The following AKAP7 variants were observed in gnomAD, a reference collection of about 807,000 sequenced individuals.
AKAP7 encodes the protein A kinase (PRKA) anchor protein 7.
Under a neutral mutation model 39.5 loss-of-function variants are expected in AKAP7, and 39 were observed. The ratio of observed to expected loss-of-function variants is 0.99; its 90% CI spans 0.76 to 1.29. AKAP7 has a LOEUF of 1.29. Among genes scored for constraint, AKAP7 ranks in the 50% most tolerant of loss-of-function variants. The pLI is 0.00. For synonymous variants in AKAP7, 140 were observed against 139.1 expected (o/e 1.01, Z -0.05); for missense variants, 414 against 407.7 (o/e 1.02, Z -0.13).
Position 131,159,955 on chromosome 6 carries a change from G to C in AKAP7, c.152-104G>C, listed in dbSNP as rs1802792675. ...AAACTCCTGCTTTAGATTTGAAAAT[G>C]ACACTGATGAATGATTGCTACTTAT... is the stretch of plus-strand genomic sequence containing the variant. On this transcript the variant is annotated intron_variant, in intron 2 of 7. Coordinates refer to ENST00000431975, the MANE Select transcript of AKAP7 (RefSeq NM_016377.4). 3.8e-6 allele frequency: 4 copies of C among 1,056,116 alleles called. No homozygotes were observed. The East Asian group carries it at 1.1e-4, about 28-fold the overall frequency. The allele number at this position is 1,056,116 out of a possible 1,614,324, so 65.4% of individuals were successfully genotyped here.
chr6:131,199,868 A>G (rs1807362379), intron 6 of AKAP7: 3 of 348,912 alleles, frequency 8.6e-6, no homozygotes, highest in South Asian at 3.1e-5. Flanking sequence ...AGGTGGTGCC[A>G]GAGTTCACTT....
At chr6:131,222,881 G>T (rs552231837) in intron 7 of AKAP7, among the ~76,000 whole-genome samples, 1 of 152,144 alleles carries the variant, frequency 6.6e-6, no homozygotes, top group Non-Finnish European at 1.5e-5. Context: ...AGGAAGAGTC[G>T]ATTGATGCAG....
intron 1 of AKAP7, among the ~76,000 whole-genome samples, chr6:131,144,971 A>G (rs1022130688): frequency 6.6e-6 from 1 of 152,244 alleles, no homozygotes; most frequent in African/African-American, 2.4e-5. Context: ...AGGTACGTGA[A>G]AAAACGTAGT....
chr6:131,226,561 G>T (rs1314418664), intron 7 of AKAP7, among the ~76,000 whole-genome samples: 1 of 152,176 alleles, frequency 6.6e-6, no homozygotes, highest in South Asian at 2.1e-4. Context: ...GCTGTTCTCT[G>T]TGAGCTACTT....
At chr6:131,217,259 A>G (rs1216210561) in intron 6 of AKAP7, among the ~76,000 whole-genome samples, 1 of 152,166 alleles carries the variant, frequency 6.6e-6, no homozygotes, top group Non-Finnish European at 1.5e-5. Flanking sequence ...CTTACCCTAA[A>G]TGATCCACTT....
At chr6:131,184,883 G>C (rs985167592) in intron 5 of AKAP7, 39 of 1,220,766 alleles carry the variant, frequency 3.2e-5, no homozygotes, top group Non-Finnish European at 4.1e-5. Flanking sequence ...GGCTTATCCT[G>C]GTCCTCCAGG....
intron 7 of AKAP7, among the ~76,000 whole-genome samples, chr6:131,228,284 C>T (rs1810348327): frequency 6.6e-6 from 1 of 152,098 alleles, no homozygotes; most frequent in South Asian, 2.1e-4. Flanking sequence ...TAAACCTGGA[C>T]CTTTGATACA....
intron 7 of AKAP7, 92 bp downstream of exon 7, chr6:131,219,900 C>T (rs1437196424): frequency 5.6e-6 from 5 of 885,376 alleles, no homozygotes; most frequent in East Asian, 3.2e-5. Flanking sequence ...TAGTTGTATA[C>T]GTTTTTCTCA....
At chr6:131,205,537 A>G (rs1394213433) in intron 6 of AKAP7, among the ~76,000 whole-genome samples, 2 of 152,148 alleles carry the variant, frequency 1.3e-5, no homozygotes, top group African/African-American at 2.4e-5. Flanking sequence ...TAAACATTCA[A>G]TATATTGTGT....
chr6:131,266,359 A>T (rs1813799965), intron 7 of AKAP7, among the ~76,000 whole-genome samples: 1 of 152,206 alleles, frequency 6.6e-6, no homozygotes, highest in South Asian at 2.1e-4. Flanking sequence ...ACATGTGAAG[A>T]TCAAGAGCTT....
intron 6 of AKAP7, among the ~76,000 whole-genome samples, chr6:131,204,606 C>T (rs1807914386): frequency 6.6e-6 from 1 of 152,102 alleles, no homozygotes; most frequent in Non-Finnish European, 1.5e-5. Context: ...TATAGTATAT[C>T]CCCCTTGACA....
intron 7 of AKAP7, among the ~76,000 whole-genome samples, chr6:131,261,615 A>G (rs1813345409): frequency 6.6e-6 from 1 of 152,192 alleles, no homozygotes; most frequent in African/African-American, 2.4e-5. Context: ...GAGCCTAAAA[A>G]TATGTAGTAA....
At chr6:131,247,729 A>G (rs1242190538) in intron 7 of AKAP7, among the ~76,000 whole-genome samples, 1 of 152,038 alleles carries the variant, frequency 6.6e-6, no homozygotes, top group African/African-American at 2.4e-5. Context: ...CCTGGGCTCA[A>G]GCAATCCTCC....
chr6:131,248,851 A>G (rs1026482879), intron 7 of AKAP7, among the ~76,000 whole-genome samples: 35 of 152,236 alleles, frequency 2.3e-4, no homozygotes, highest in Admixed American at 1.8e-3. Flanking sequence ...ATACACCTGT[A>G]TTCACTCATG....
chr6:131,173,200 CAAA>C (rs67550717), intron 5 of AKAP7, among the ~76,000 whole-genome samples: 8 of 108,904 alleles, frequency 7.3e-5, no homozygotes, highest in Admixed American at 2.8e-4. Flanking sequence ...GACTCCATCT[CAAA>C]AAAAAAAAAA....
chr6:131,199,963 C>T (rs887924489), intron 6 of AKAP7: 4 of 204,326 alleles, frequency 2.0e-5, no homozygotes, highest in South Asian at 7.1e-5. Context: ...TGCTGCTCAC[C>T]GCAACTGGGT....
chr6:131,161,644 CAAAAAAAAAAAAAAAAAAAA>C (rs55744190), intron 3 of AKAP7, among the ~76,000 whole-genome samples: 21 of 33,632 alleles, frequency 6.2e-4, no homozygotes, highest in Admixed American at 2.4e-3. Context: ...GACTGTATCT[CAAAAAAAAAAAAAAAAAAAA>C]AAAAAAAAAA....
At chr6:131,241,577 A>ATGTGTG (rs749601887) in intron 7 of AKAP7, among the ~76,000 whole-genome samples, 3,468 of 81,190 alleles carry the variant, frequency 0.043, 148 homozygotes, top group Non-Finnish European at 0.048. Flanking sequence ...GATTATATAT[A>ATGTGTG]TGTGTGTGTG....
chr6:131,251,579 T>A (rs1050260793), intron 7 of AKAP7, among the ~76,000 whole-genome samples: 11 of 148,336 alleles, frequency 7.4e-5, no homozygotes, highest in African/African-American at 2.7e-4. Context: ...AAAAAAAAAA[T>A]ACATATGCTA....
Sources: allele counts gnomAD v4.1 joint callset (sites outside exome capture counted in the v4.1 genomes callset), GRCh38; gene constraint gnomAD v4.1.1; transcripts MANE v1.5; gene names NCBI Gene and HGNC (gene_info 2026-07-23, HGNC 2026-07-21).